PDZRN4: variants seen among roughly 807,000 people sequenced by gnomAD.
PDZRN4 encodes PDZ domain-containing RING finger protein 4.
Under a neutral mutation model 99.0 loss-of-function variants are expected in PDZRN4, and 70 were observed. The observed-to-expected ratio is 0.71, with a 90% CI of 0.58 to 0.86. PDZRN4 has a LOEUF of 0.86. PDZRN4 is among the 40% of genes least tolerant of loss of function. The pLI is 0.00. For synonymous variants in PDZRN4, 551 were observed against 501.6 expected, an observed-to-expected ratio of 1.10 and a Z score of -1.32; for missense variants, 1,474 against 1,331.2, an observed-to-expected ratio of 1.11 and a Z score of -1.67.
chr12:41,298,618 A>G lies in PDZRN4; in HGVS notation c.843+104430A>G, dbSNP rs1463459588. Among the ~76,000 whole-genome samples the G allele has an allele frequency of 2.0e-5, 3 of 152,188 alleles. No homozygotes were observed. In the East Asian group the frequency reaches 5.8e-4, roughly 29 times the overall value. On this transcript the variant is annotated intron_variant, in intron 3 of 9. Transcript: ENST00000402685. ...AAAAGCTGTCTAATGGAGCTAGGAT[A>G]TAAATTAGAATGAAGTTCAATGTAT...
At chr12:41,406,160 T>C (rs1410757281) in intron 3 of PDZRN4, among the ~76,000 whole-genome samples, 1 of 152,204 alleles carries the variant, frequency 6.6e-6, no homozygotes, top group East Asian at 1.9e-4. Flanking sequence ...TTTCTGCTTT[T>C]TTTTGAGTGA....
chr12:41,333,164 A>G (rs1055521786), intron 3 of PDZRN4, among the ~76,000 whole-genome samples: 2 of 152,054 alleles, frequency 1.3e-5, no homozygotes, highest in Non-Finnish European at 2.9e-5. Flanking sequence ...GTAGGTGAAT[A>G]TGTTCACTGA....
At position 41,448,769 on chromosome 12, in the gene PDZRN4, A is replaced by C. The variant is rs528197778; in HGVS notation, c.844-57687A>C. 3.2e-4 allele frequency among the ~76,000 whole-genome samples: 48 copies of C among 152,304 alleles called. 1 individual carries two copies. The South Asian group carries it at 9.3e-3, about 30-fold the overall frequency. ...AAGACACATATTAATTATGAGGTTC[A>C]TCATCAAATTTAAGAACAGCTGGGG... On this transcript the variant is annotated intron_variant, in intron 3 of 9. Transcript: ENST00000402685.
intron 3 of PDZRN4, among the ~76,000 whole-genome samples, chr12:41,384,893 C>G (rs1198288536): frequency 6.6e-6 from 1 of 152,150 alleles, no homozygotes; most frequent in Non-Finnish European, 1.5e-5. Context: ...TGGAATCCTG[C>G]CTGGTACTTG....
chr12:41,415,367 T>TA (rs1952436024), intron 3 of PDZRN4, among the ~76,000 whole-genome samples: 1 of 148,936 alleles, frequency 6.7e-6, no homozygotes, highest in Non-Finnish European at 1.5e-5. Context: ...ATAATATATG[T>TA]AATAAATGTT....
chr12:41,350,362 G>T (rs1280035916), intron 3 of PDZRN4, among the ~76,000 whole-genome samples: 6 of 152,020 alleles, frequency 3.9e-5, no homozygotes, highest in African/African-American at 1.4e-4. Flanking sequence ...AGACAAGATG[G>T]CACTGGGAGT....
chr12:41,340,793 T>C (rs954007948), intron 3 of PDZRN4, among the ~76,000 whole-genome samples: 2 of 151,860 alleles, frequency 1.3e-5, no homozygotes, highest in Non-Finnish European at 2.9e-5. Flanking sequence ...TCCATAGATT[T>C]AAAGAAGAAC....
At chr12:41,506,781 G>A (rs983939132) in intron 4 of PDZRN4, 69 bp downstream of exon 4, 7 of 1,515,762 alleles carry the variant, frequency 4.6e-6, no homozygotes, top group Non-Finnish European at 6.2e-6. Context: ...ATGTTGAAAA[G>A]AAGCAGTTCC....
At chr12:41,314,724 AT>A (rs1339439333) in intron 3 of PDZRN4, among the ~76,000 whole-genome samples, 1 of 151,214 alleles carries the variant, frequency 6.6e-6, no homozygotes, top group South Asian at 2.1e-4. Flanking sequence ...TGTTTTGGTT[AT>A]TTTTTTTCTT....
intron 3 of PDZRN4, among the ~76,000 whole-genome samples, chr12:41,198,156 G>A (rs111481575): frequency 6.0e-4 from 91 of 152,082 alleles, no homozygotes; most frequent in Non-Finnish European, 1.1e-3. Flanking sequence ...GGGCTCAAGC[G>A]ACCTGTCCAC....
intron 3 of PDZRN4, among the ~76,000 whole-genome samples, chr12:41,250,629 T>C (rs1951163111): frequency 6.6e-6 from 1 of 152,182 alleles, no homozygotes. Flanking sequence ...TTTGTCAAGC[T>C]TGGCAAATGA....
intron 3 of PDZRN4, among the ~76,000 whole-genome samples, chr12:41,375,045 C>G (rs2121088302): frequency 6.6e-6 from 1 of 152,092 alleles, no homozygotes; most frequent in South Asian, 2.1e-4. Context: ...GTAGACAGGC[C>G]CATGTGGGAA....
chr12:41,533,365 G>C (rs1938696443), intron 5 of PDZRN4, among the ~76,000 whole-genome samples: 1 of 151,934 alleles, frequency 6.6e-6, no homozygotes. Flanking sequence ...AGTAGAAACA[G>C]GGTTTCACCA....
intron 5 of PDZRN4, among the ~76,000 whole-genome samples, chr12:41,537,120 G>A (rs1938761971): frequency 6.6e-6 from 1 of 152,044 alleles, no homozygotes; most frequent in South Asian, 2.1e-4. Flanking sequence ...CATAGTATAG[G>A]GCCTTAAGCT....
chr12:41,285,305 A>T (rs1461364385), intron 3 of PDZRN4, among the ~76,000 whole-genome samples: 1 of 152,204 alleles, frequency 6.6e-6, no homozygotes, highest in Non-Finnish European at 1.5e-5. Flanking sequence ...CCACAATGAG[A>T]TACCATCTCA....
intron 3 of PDZRN4, among the ~76,000 whole-genome samples, chr12:41,249,760 T>A (rs74373153): frequency 1.3e-5 from 2 of 152,144 alleles, no homozygotes; most frequent in African/African-American, 4.8e-5. Context: ...ACTTTGACAT[T>A]TTCTGTTGAC....
intron 3 of PDZRN4, among the ~76,000 whole-genome samples, chr12:41,195,223 GTTAAGTTACTT>G (rs1950763361): frequency 6.6e-6 from 1 of 152,148 alleles, no homozygotes; most frequent in Non-Finnish European, 1.5e-5. Flanking sequence ...GCCAAAAATG[GTTAAGTTACTT>G]TTATCAGTGA....
chr12:41,237,875 G>C (rs1434830893), intron 3 of PDZRN4, among the ~76,000 whole-genome samples: 1 of 152,136 alleles, frequency 6.6e-6, no homozygotes, highest in African/African-American at 2.4e-5. Context: ...CTAAAGCCTT[G>C]TAGTACAGTT....
At chr12:41,235,059 C>T (rs1400331435) in intron 3 of PDZRN4, among the ~76,000 whole-genome samples, 1 of 152,118 alleles carries the variant, frequency 6.6e-6, no homozygotes, top group Non-Finnish European at 1.5e-5. Flanking sequence ...TTAGAAACAC[C>T]TTTCAGAGCA....
Sources: allele counts gnomAD v4.1 joint callset (sites outside exome capture counted in the v4.1 genomes callset), GRCh38; gene constraint gnomAD v4.1.1; transcripts MANE v1.5; gene names NCBI Gene and HGNC (gene_info 2026-07-23, HGNC 2026-07-21).